Variants in C10orf143 observed in about 807,000 individuals in gnomAD.
C10orf143 encodes the protein uncharacterized protein C10orf143.
At chr10:130,108,249 CA>C (rs748689408) in intron 1 of C10orf143, 2 of 1,558,550 alleles carry the variant, frequency 1.3e-6, no homozygotes, top group South Asian at 2.2e-5. Context: ...TATTTTCCAC[CA>C]GGGGATTTCC....
chr10:130,080,778 ATAT>A (rs1170174335), intron 1 of C10orf143, among the ~76,000 whole-genome samples: 1 of 152,194 alleles, frequency 6.6e-6, no homozygotes, highest in African/African-American at 2.4e-5. Context: ...ATTATTTAAT[ATAT>A]TATTAATGGA....
chr10:130,087,555 A>G (rs932984212), intron 1 of C10orf143, among the ~76,000 whole-genome samples: 3 of 152,190 alleles, frequency 2.0e-5, no homozygotes, highest in Non-Finnish European at 4.4e-5. Flanking sequence ...GATCTCAGGA[A>G]GTCTTGCTGC....
chr10:130,095,546 T>C (rs1431698446), intron 1 of C10orf143, among the ~76,000 whole-genome samples: 1 of 152,082 alleles, frequency 6.6e-6, no homozygotes, highest in African/African-American at 2.4e-5. Context: ...TAAACTATAC[T>C]AAAGGCTACA....
intron 3 of C10orf143, among the ~76,000 whole-genome samples, chr10:130,038,625 C>A (rs1011870624): frequency 2.0e-5 from 3 of 152,184 alleles, no homozygotes; most frequent in Admixed American, 2.0e-4. Flanking sequence ...ACTGCCAGGA[C>A]AGACGGAGGT....
At chr10:130,107,492 A>G in intron 1 of C10orf143, 1 of 1,410,654 alleles carries the variant, frequency 7.1e-7, no homozygotes, top group Non-Finnish European at 1.0e-6. Flanking sequence ...TGCTCACAAC[A>G]GACAAAAATT....
chr10:130,077,501 T>C (rs906079213), intron 3 of C10orf143, among the ~76,000 whole-genome samples: 2 of 152,196 alleles, frequency 1.3e-5, no homozygotes, highest in African/African-American at 4.8e-5. Flanking sequence ...ACCCCTCACA[T>C]CACCTTGGCT....
chr10:130,055,937 C>T lies in C10orf143; in HGVS notation c.298-19967G>A, dbSNP rs1325575930. Among the ~76,000 whole-genome samples the T allele has an allele frequency of 2.2e-4, 24 of 108,478 alleles. No homozygotes were observed. The Admixed American group carries it at 3.0e-3, about 14-fold the overall frequency. The allele number at this position is 108,478 out of a possible 152,430, so 71.2% of individuals were successfully genotyped here. A position where few individuals can be genotyped will look rare whatever the true frequency, so the allele number is the denominator to read the frequency against. On this transcript the variant is annotated intron_variant and NMD_transcript_variant, in intron 3 of 5. Coordinates refer to the C10orf143 transcript ENST00000643056. ...CTCCAGCCTGGATAACAGAGCAAGA[C>T]TCCGTCTCCAAAAGTAAAAAAAAAA...
chr10:130,065,254 T>G lies in C10orf143; in HGVS notation c.298-871A>C, dbSNP rs972908523. The G allele has an allele frequency of 3.9e-5, 6 of 152,220 alleles. No homozygotes were observed. Among genetic ancestry groups the G allele is most frequent in the Non-Finnish European group, 5.9e-5 (4 of 68,068 alleles). 9.4% of individuals were successfully genotyped at this position (152,220 alleles called of 1,614,324 possible). A position where few individuals can be genotyped will look rare whatever the true frequency, so the allele number is the denominator to read the frequency against. On this transcript the variant is annotated intron_variant, in intron 3 of 3. Transcript: ENST00000637128. The surrounding 1 kb of genome is among the most constrained non-coding windows in gnomAD (Gnocchi z 4.2). The stretch of plus-strand genomic sequence containing the variant: ...GAGGGATTATCAGACAGCAGAGTAC[T>G]GACGTCAGATACTGATGGCTCCTTC...
At chr10:130,057,988 G>A (rs2134738575) in intron 3 of C10orf143, among the ~76,000 whole-genome samples, 1 of 152,298 alleles carries the variant, frequency 6.6e-6, no homozygotes, top group South Asian at 2.1e-4. Context: ...AAGGTAAACT[G>A]TTCAAATTAT....
At chr10:130,105,959 T>G in intron 1 of C10orf143, 1 of 388,010 alleles carries the variant, frequency 2.6e-6, no homozygotes, top group Non-Finnish European at 5.1e-6. Context: ...CGGGTGCGGA[T>G]TCGGGTTCCG....
At chr10:130,073,984 T>G (rs1861073476) in intron 3 of C10orf143, among the ~76,000 whole-genome samples, 1 of 152,064 alleles carries the variant, frequency 6.6e-6, no homozygotes, top group South Asian at 2.1e-4. Context: ...ACAGTGTGAG[T>G]AAATCAGCCC....
intron 1 of C10orf143, among the ~76,000 whole-genome samples, chr10:130,099,824 A>AT (rs1022655788): frequency 6.8e-6 from 1 of 146,216 alleles, no homozygotes; most frequent in African/African-American, 2.6e-5. Context: ...CTCAACCTAA[A>AT]TTTTTTTTAT....
At chr10:130,039,306 C>T (rs908980063) in intron 3 of C10orf143, among the ~76,000 whole-genome samples, 10 of 152,066 alleles carry the variant, frequency 6.6e-5, no homozygotes, top group Admixed American at 3.9e-4. Context: ...GTCTGCAAGC[C>T]GGAGGCCGAG....
chr10:130,069,471 C>T (rs142903270), intron 3 of C10orf143, among the ~76,000 whole-genome samples: 1 of 152,338 alleles, frequency 6.6e-6, no homozygotes, highest in African/African-American at 2.4e-5. Flanking sequence ...TACATCCTCA[C>T]GCTGCAACCA....
intron 3 of C10orf143, among the ~76,000 whole-genome samples, chr10:130,038,590 C>T (rs952427673): frequency 6.6e-6 from 1 of 152,150 alleles, no homozygotes; most frequent in East Asian, 1.9e-4. Context: ...GGCGTTTGCT[C>T]GTTTTAAATG....
At chr10:130,066,659 G>C (rs1342028868) in intron 3 of C10orf143, 1 of 152,310 alleles carries the variant, frequency 6.6e-6, no homozygotes, top group Admixed American at 6.6e-5. Flanking sequence ...TCAAGTCCCC[G>C]CATCATCCTA....
intron 3 of C10orf143, among the ~76,000 whole-genome samples, chr10:130,074,702 A>G (rs1373766317): frequency 6.6e-6 from 1 of 152,172 alleles, no homozygotes; most frequent in African/African-American, 2.4e-5. Context: ...AATGACCAAT[A>G]ATGTACAAAT....
At chr10:130,101,880 A>AAAAAAAG (rs1861562577) in intron 1 of C10orf143, among the ~76,000 whole-genome samples, 1 of 148,018 alleles carries the variant, frequency 6.8e-6, no homozygotes. Context: ...AAAAAAAAAA[A>AAAAAAAG]AAAAACTTTT....
chr10:130,071,891 T>C (rs1339169877), intron 3 of C10orf143, among the ~76,000 whole-genome samples: 1 of 152,216 alleles, frequency 6.6e-6, no homozygotes, highest in Non-Finnish European at 1.5e-5. Flanking sequence ...CCCAAAGTGC[T>C]GGGATTATAG....
Sources: allele counts gnomAD v4.1 joint callset (sites outside exome capture counted in the v4.1 genomes callset), GRCh38; gene constraint gnomAD v4.1.1; non-coding constraint Gnocchi (gnomAD v3.1); transcripts MANE v1.5; gene names NCBI Gene and HGNC (gene_info 2026-07-23, HGNC 2026-07-21).